MARCHF4: variants seen among roughly 807,000 people sequenced by gnomAD.
MARCHF4 encodes E3 ubiquitin-protein ligase MARCHF4.
Under a neutral mutation model 43.9 loss-of-function variants are expected in MARCHF4, and 14 were observed. That is an observed-to-expected ratio of 0.32 (90% CI 0.21 to 0.50). MARCHF4 has a LOEUF of 0.50. MARCHF4 is among the 20% of genes least tolerant of loss of function. MARCHF4 has a pLI of 0.98. For missense variants in MARCHF4, 468 were observed against 536.7 expected (o/e 0.87, Z 1.27); for synonymous variants, 226 against 213.3 (o/e 1.06, Z -0.52).
intron 1 of MARCHF4, among the ~76,000 whole-genome samples, chr2:216,317,572 C>T (rs890463152): frequency 6.6e-6 from 1 of 152,128 alleles, no homozygotes; most frequent in African/African-American, 2.4e-5. Flanking sequence ...AGCCACAACG[C>T]CTGGCTAATT....
At chr2:216,347,051 C>T (rs1006300801) in intron 1 of MARCHF4, among the ~76,000 whole-genome samples, 3 of 152,206 alleles carry the variant, frequency 2.0e-5, no homozygotes, top group Admixed American at 6.5e-5. Flanking sequence ...CCTGCTTCCC[C>T]TTCACCTTCT....
intron 1 of MARCHF4, among the ~76,000 whole-genome samples, chr2:216,314,248 T>G (rs1559096820): frequency 6.6e-6 from 1 of 152,150 alleles, no homozygotes; most frequent in Admixed American, 6.6e-5. Context: ...GAAAAACAGA[T>G]ATGGTTTCTG....
At chr2:216,349,194 G>A (rs1692362945) in intron 1 of MARCHF4, among the ~76,000 whole-genome samples, 1 of 152,174 alleles carries the variant, frequency 6.6e-6, no homozygotes, top group Admixed American at 6.5e-5. Flanking sequence ...GCTGAAGAAA[G>A]GGCTGAGAGA....
chr2:216,360,979 C>T (rs56285197), intron 1 of MARCHF4, among the ~76,000 whole-genome samples: 31,202 of 151,952 alleles, frequency 0.21, 4,136 homozygotes, highest in Non-Finnish European at 0.31. Context: ...TGTACCTGGC[C>T]AAAGTATGGG....
intron 3 of MARCHF4, among the ~76,000 whole-genome samples, chr2:216,267,336 TA>T (rs1222791828): frequency 1.3e-5 from 2 of 151,986 alleles, no homozygotes; most frequent in Non-Finnish European, 2.9e-5. Context: ...CCAATAAAAA[TA>T]AAAACAAAGA....
chr2:216,298,155 C>T (rs1006137213), intron 1 of MARCHF4, among the ~76,000 whole-genome samples: 3 of 152,032 alleles, frequency 2.0e-5, no homozygotes, highest in African/African-American at 7.2e-5. Context: ...CTCAACCATC[C>T]TCCATCCACC....
chr2:216,263,774 C>T (rs182240099), intron 3 of MARCHF4, among the ~76,000 whole-genome samples: 4 of 152,202 alleles, frequency 2.6e-5, no homozygotes, highest in African/African-American at 7.2e-5. Context: ...CACAGCCATG[C>T]TTCAGGTAGG....
intron 1 of MARCHF4, among the ~76,000 whole-genome samples, chr2:216,343,632 T>A (rs1243260400): frequency 2.6e-5 from 4 of 152,202 alleles, no homozygotes; most frequent in African/African-American, 9.6e-5. Flanking sequence ...CCTTTGTGTA[T>A]CCTTTATCCA....
At position 216,280,317 on chromosome 2, in the gene MARCHF4, A is replaced by G. The variant is rs542760876; in HGVS notation, c.673-2453T>C. Among the ~76,000 whole-genome samples, 3 of 152,074 alleles carry G rather than the reference A, an allele frequency of 2.0e-5. No homozygotes were observed. In the East Asian group the frequency reaches 5.8e-4, roughly 30 times the overall value. On this transcript the variant is annotated intron_variant, in intron 2 of 3. Coordinates refer to ENST00000273067, the MANE Select transcript of MARCHF4 (RefSeq NM_020814.3). ...CCTGAACTCCCATCCTGCAGCACCA[A>G]TGAATGGAGAGACAAGCGGAAGAGC...
At chr2:216,340,530 A>G (rs1323694069) in intron 1 of MARCHF4, among the ~76,000 whole-genome samples, 1 of 152,140 alleles carries the variant, frequency 6.6e-6, no homozygotes, top group Non-Finnish European at 1.5e-5. Context: ...ACCTAATTCC[A>G]CCAGCACCTA....
intron 1 of MARCHF4, chr2:216,351,580 C>T (rs1387499327): frequency 1.3e-5 from 2 of 152,082 alleles, no homozygotes; most frequent in Non-Finnish European, 2.9e-5. Flanking sequence ...GGGCCAAGGC[C>T]ACCAGGACCA....
chr2:216,331,760 G>A (rs1051888415), intron 1 of MARCHF4, among the ~76,000 whole-genome samples: 1 of 152,118 alleles, frequency 6.6e-6, no homozygotes, highest in Non-Finnish European at 1.5e-5. Flanking sequence ...TGAGAAAAAG[G>A]TTTAATATTT....
At chr2:216,263,252 C>A (rs1219438446) in intron 3 of MARCHF4, among the ~76,000 whole-genome samples, 1 of 152,178 alleles carries the variant, frequency 6.6e-6, no homozygotes, top group Admixed American at 6.5e-5. Context: ...CATGGTGAAA[C>A]CCCATCTCTA....
intron 3 of MARCHF4, among the ~76,000 whole-genome samples, chr2:216,265,321 C>T (rs929412503): frequency 6.6e-6 from 1 of 152,128 alleles, no homozygotes; most frequent in Admixed American, 6.5e-5. Context: ...TGTGGGAAAT[C>T]CAGTTCTAGA....
chr2:216,313,567 C>T (rs533986336), intron 1 of MARCHF4, among the ~76,000 whole-genome samples: 120 of 152,310 alleles, frequency 7.9e-4, no homozygotes, highest in African/African-American at 2.7e-3. Context: ...TGGCATGTAA[C>T]ATGAGGTGGC....
chr2:216,324,306 A>C (rs1308925990), intron 1 of MARCHF4, among the ~76,000 whole-genome samples: 1 of 147,262 alleles, frequency 6.8e-6, no homozygotes, highest in Non-Finnish European at 1.5e-5. Context: ...CAGGAGCTGA[A>C]ATTGTGGCAA....
chr2:216,366,621 A>C (rs978676267), intron 1 of MARCHF4, among the ~76,000 whole-genome samples: 4 of 151,952 alleles, frequency 2.6e-5, no homozygotes, highest in African/African-American at 9.7e-5. Flanking sequence ...AGACCTATGC[A>C]TTGCTGGGCC....
intron 3 of MARCHF4, among the ~76,000 whole-genome samples, chr2:216,263,493 AAGAGAGAGAGAGAGAG>A (rs150783185): frequency 1.7e-5 from 1 of 58,886 alleles, no homozygotes; most frequent in African/African-American, 3.9e-5. Context: ...AGGAGAGAGA[AAGAGAGAGAGAGAGAG>A]AGAGAGAGAG....
intron 1 of MARCHF4, among the ~76,000 whole-genome samples, chr2:216,298,727 C>A (rs540327506): frequency 6.6e-6 from 1 of 152,270 alleles, no homozygotes; most frequent in African/African-American, 2.4e-5. Context: ...ACAGCCCCTT[C>A]CCACACATAA....
Sources: gnomAD v4.1 joint callset for allele counts (sites outside exome capture counted in the v4.1 genomes callset) on GRCh38, gnomAD v4.1.1 for gene constraint, MANE v1.5 for transcripts, NCBI Gene and HGNC (gene_info 2026-07-23, HGNC 2026-07-21) for gene names.